The following CACNA1E variants were observed in gnomAD, a reference collection of about 807,000 sequenced individuals.
The protein encoded by CACNA1E is voltage-dependent R-type calcium channel subunit alpha-1E.
A neutral mutation model predicts 259.2 loss-of-function variants in CACNA1E; 40 were observed. The observed-to-expected ratio is 0.15, with a 90% CI of 0.12 to 0.20. The LOEUF (loss-of-function observed/expected upper bound fraction) is 0.20, where lower values mean the gene tolerates loss of function less well. Among genes scored for constraint, CACNA1E ranks in the 10% least tolerant of loss-of-function variants. CACNA1E has a pLI of 1.00. For synonymous variants in CACNA1E, 1,104 were observed against 1,138.5 expected (o/e 0.97, Z 0.61); for missense variants, 1,874 against 3,040.1 (o/e 0.62, Z 9.02).
intron 6 of CACNA1E, among the ~76,000 whole-genome samples, chr1:181,592,418 C>T (rs1652745859): frequency 6.7e-6 from 1 of 149,550 alleles, no homozygotes; most frequent in African/African-American, 2.5e-5. Context: ...GAGCTGCTGT[C>T]CGCAGGGACT....
intron 7 of CACNA1E, among the ~76,000 whole-genome samples, chr1:181,671,551 T>A (rs1648796480): frequency 6.6e-6 from 1 of 152,222 alleles, no homozygotes; most frequent in African/African-American, 2.4e-5. Context: ...CTTGAGAGAA[T>A]TGCTGCCAGA....
chr1:181,345,035 G>T (rs558439600), intron 1 of CACNA1E, among the ~76,000 whole-genome samples: 4 of 152,340 alleles, frequency 2.6e-5, no homozygotes, highest in Admixed American at 2.6e-4. Context: ...GACAGTGAGT[G>T]GGGCAGGCAG....
At chr1:181,476,850 T>C (rs1328634116) in intron 2 of CACNA1E, among the ~76,000 whole-genome samples, 1 of 152,144 alleles carries the variant, frequency 6.6e-6, no homozygotes, top group Admixed American at 6.5e-5. Flanking sequence ...TGCTGCACTT[T>C]GCCTTGGCTG....
At chr1:181,680,891 G>C (rs983243257) in intron 7 of CACNA1E, among the ~76,000 whole-genome samples, 11 of 152,198 alleles carry the variant, frequency 7.2e-5, no homozygotes, top group African/African-American at 2.7e-4. Flanking sequence ...TAGGTGCTAG[G>C]TCAGAGTTGC....
chr1:181,691,003 C>T (rs936718392), intron 7 of CACNA1E, among the ~76,000 whole-genome samples: 1 of 151,990 alleles, frequency 6.6e-6, no homozygotes, highest in African/African-American at 2.4e-5. Context: ...ATTGTGCTCA[C>T]TGCATCTATG....
chr1:181,754,242 G>A (rs1447568316), intron 27 of CACNA1E, among the ~76,000 whole-genome samples: 1 of 152,182 alleles, frequency 6.6e-6, no homozygotes, highest in African/African-American at 2.4e-5. Flanking sequence ...AAATTAGAAA[G>A]GGCTAGTTCC....
intron 3 of CACNA1E, among the ~76,000 whole-genome samples, chr1:181,551,601 A>AC (rs1211933212): frequency 3.9e-5 from 6 of 152,142 alleles, no homozygotes; most frequent in Non-Finnish European, 1.5e-5. Context: ...CTCCACAGCA[A>AC]CCTTGGTGGG....
At chr1:181,421,195 A>G (rs1658713870) in intron 2 of CACNA1E, among the ~76,000 whole-genome samples, 1 of 152,222 alleles carries the variant, frequency 6.6e-6, no homozygotes, top group South Asian at 2.1e-4. Context: ...AGCACTGGGT[A>G]AATGACGGGA....
chr1:181,709,597 T>A (rs1026055227), intron 7 of CACNA1E, among the ~76,000 whole-genome samples: 46 of 152,308 alleles, frequency 3.0e-4, no homozygotes, highest in African/African-American at 1.1e-3. Context: ...CTGGCAGGAC[T>A]TACAGTGGGT....
chr1:181,766,673 GCAAC>G, intron 35 of CACNA1E, 62 bp downstream of exon 35: 4 of 1,253,862 alleles, frequency 3.2e-6, no homozygotes, highest in Non-Finnish European at 4.6e-6. Flanking sequence ...CTCTGGCTTA[GCAAC>G]CTAAGCATGC....
At chr1:181,351,226 A>G (rs1310424537) in intron 1 of CACNA1E, among the ~76,000 whole-genome samples, 1 of 152,188 alleles carries the variant, frequency 6.6e-6, no homozygotes, top group Non-Finnish European at 1.5e-5. Flanking sequence ...GGGGGGATCC[A>G]GGCAGGATAG....
chr1:181,793,813 A>G lies in CACNA1E; in HGVS notation c.6027+20A>G, dbSNP rs190743003. 692 of 1,609,046 alleles carry G rather than the reference A, an allele frequency of 4.3e-4. 3 individuals are homozygous for G. In the African/African-American group the frequency reaches 7.8e-3, roughly 18 times the overall value. ...CCCCAGGTAAAAAGCAACCACCTAC[A>G]TTAATGCAGTGGCATCCGGGCTGTA... is the stretch of plus-strand genomic sequence containing the variant. On this transcript the variant is annotated intron_variant, in intron 45 of 47. Transcript: ENST00000367573.
At chr1:181,778,515 C>G (rs929706229) in intron 38 of CACNA1E, among the ~76,000 whole-genome samples, 1 of 152,202 alleles carries the variant, frequency 6.6e-6, no homozygotes. Flanking sequence ...TAATTTCCAG[C>G]GGAAACCCTG....
intron 2 of CACNA1E, among the ~76,000 whole-genome samples, chr1:181,449,221 A>G (rs1244791138): frequency 6.6e-6 from 1 of 152,182 alleles, no homozygotes; most frequent in Non-Finnish European, 1.5e-5. Flanking sequence ...TTTCCAAGCC[A>G]GAGATACTTC....
chr1:181,596,557 C>CGTGTGTGTGTGTGTGTGTGT (rs60302499), intron 6 of CACNA1E, among the ~76,000 whole-genome samples: 62 of 140,588 alleles, frequency 4.4e-4, no homozygotes, highest in East Asian at 6.9e-4. Context: ...CCACCATGTA[C>CGTGTGTGTGTGTGTGTGTGT]GTGTGTGTGT....
At chr1:181,562,622 T>C (rs187181761) in intron 3 of CACNA1E, among the ~76,000 whole-genome samples, 2 of 152,348 alleles carry the variant, frequency 1.3e-5, no homozygotes, top group African/African-American at 2.4e-5. Context: ...TTAATTTGCG[T>C]AGCTGGCAAG....
intron 1 of CACNA1E, among the ~76,000 whole-genome samples, chr1:181,380,325 C>T (rs1655373889): frequency 6.6e-6 from 1 of 151,982 alleles, no homozygotes; most frequent in Non-Finnish European, 1.5e-5. Flanking sequence ...AGAAACATCT[C>T]AAAGTGGTGA....
At chr1:181,565,461 GT>G (rs1428701046) in intron 3 of CACNA1E, among the ~76,000 whole-genome samples, 2 of 152,192 alleles carry the variant, frequency 1.3e-5, no homozygotes, top group Non-Finnish European at 2.9e-5. Context: ...AACATGGATA[GT>G]GACAGCTCTT....
chr1:181,594,484 C>T (rs527911101), intron 6 of CACNA1E, among the ~76,000 whole-genome samples: 1 of 152,210 alleles, frequency 6.6e-6, no homozygotes, highest in Non-Finnish European at 1.5e-5. Flanking sequence ...CTGCAACCTC[C>T]ACCTCCCAGG....
Sources: gnomAD v4.1 joint callset for allele counts (sites outside exome capture counted in the v4.1 genomes callset) on GRCh38, gnomAD v4.1.1 for gene constraint, MANE v1.5 for transcripts, NCBI Gene and HGNC (gene_info 2026-07-23, HGNC 2026-07-21) for gene names.